The following HSPA4 variants were observed in gnomAD, a reference collection of about 807,000 sequenced individuals.
HSPA4 encodes the protein heat shock 70 kDa protein 4.
HSPA4 carries 25 observed loss-of-function variants against 106.2 expected under a neutral mutation model. The observed-to-expected ratio is 0.24, with a 90% CI of 0.17 to 0.33. HSPA4 has a LOEUF of 0.33. Among genes scored for constraint, HSPA4 ranks in the 10% least tolerant of loss-of-function variants. The pLI, the probability that HSPA4 is intolerant of heterozygous loss-of-function variation, is 1.00. For missense variants in HSPA4, 841 were observed against 996.0 expected, an observed-to-expected ratio of 0.84 and a Z score of 2.10; for synonymous variants, 332 against 333.6, an observed-to-expected ratio of 1.00 and a Z score of 0.05.
chr5:133,057,310 G>A (rs945700554), intron 1 of HSPA4, among the ~76,000 whole-genome samples: 7 of 151,452 alleles, frequency 4.6e-5, no homozygotes, highest in Admixed American at 4.6e-4. Flanking sequence ...GTTGAAGAAA[G>A]TGAATTAGAG....
Position 133,052,177 on chromosome 5 carries a change from G to T in HSPA4, c.-74G>T. 2 of 1,065,176 alleles carry T rather than the reference G, an allele frequency of 1.9e-6. No homozygotes were observed. The highest frequency in any genetic ancestry group is 2.8e-6 in the Non-Finnish European group (2 of 723,202). 66.0% of individuals were successfully genotyped at this position (1,065,176 alleles called of 1,614,324 possible). Reference sequence around the variant, plus strand: ...GGCCCAAGAGGCCTGCTTTCCACTCGCTAGCCCCGCCGGGGGTCCGTGTCC... The same window carrying T: ...GGCCCAAGAGGCCTGCTTTCCACTCTCTAGCCCCGCCGGGGGTCCGTGTCC... On this transcript the variant is annotated 5_prime_UTR_variant, in exon 1 of 19. Coordinates refer to ENST00000304858, the MANE Select transcript of HSPA4 (RefSeq NM_002154.4).
At chr5:133,087,881 C>G (rs562362846) in intron 8 of HSPA4, among the ~76,000 whole-genome samples, 1 of 152,332 alleles carries the variant, frequency 6.6e-6, no homozygotes. Flanking sequence ...ACTTCGGCCT[C>G]CTAAAGTACT....
At chr5:133,095,282 A>G (rs1057051849) in intron 13 of HSPA4, among the ~76,000 whole-genome samples, 3 of 152,228 alleles carry the variant, frequency 2.0e-5, no homozygotes, top group Admixed American at 6.5e-5. Flanking sequence ...AGCCTGGGCT[A>G]CAGAGCGAGA....
chr5:133,072,063 G>A (rs1334190745), intron 4 of HSPA4, among the ~76,000 whole-genome samples: 1 of 152,096 alleles, frequency 6.6e-6, no homozygotes, highest in Admixed American at 6.6e-5. Flanking sequence ...ATTGGAATGC[G>A]TAAGTGTCTT....
intron 1 of HSPA4, among the ~76,000 whole-genome samples, chr5:133,057,701 G>A (rs1765185598): frequency 6.6e-6 from 1 of 152,172 alleles, no homozygotes; most frequent in Non-Finnish European, 1.5e-5. Context: ...TTAAAGATTA[G>A]AACAGAGGGA....
chr5:133,083,087 A>T (rs896110458), intron 7 of HSPA4, among the ~76,000 whole-genome samples: 12 of 150,906 alleles, frequency 8.0e-5, no homozygotes, highest in Admixed American at 6.6e-4. Context: ...GTGAGCCGAG[A>T]TACTGCCACT....
rs1158469111 is a variant in HSPA4 at position 133,104,737 on chromosome 5, A to G, written c.*301A>G. Reference sequence around the variant, plus strand: ...GTCTACAAGAATAAGTTTGTTTTGGAAAGTTGAGCTATAGCTACAGCTCTA... The same window carrying G: ...GTCTACAAGAATAAGTTTGTTTTGGGAAGTTGAGCTATAGCTACAGCTCTA... On this transcript the variant is annotated 3_prime_UTR_variant, in exon 19 of 19. Coordinates refer to ENST00000304858, the MANE Select transcript of HSPA4 (RefSeq NM_002154.4). 1.4e-5 allele frequency: 4 copies of G among 285,408 alleles called. No homozygotes were observed. Among genetic ancestry groups the G allele is most frequent in the Non-Finnish European group, 2.7e-5 (4 of 150,180 alleles). The allele number at this position is 285,408 out of a possible 1,614,324, so 17.7% of individuals were successfully genotyped here. A position where few individuals can be genotyped will look rare whatever the true frequency, so the allele number is the denominator to read the frequency against.
At position 133,052,234 on chromosome 5, in the gene HSPA4, G is replaced by C; in HGVS notation, c.-17G>C. 5.8e-6 allele frequency: 9 copies of C among 1,558,948 alleles called. No individual in the cohort carries two copies. The highest frequency in any genetic ancestry group is 7.8e-6 in the Non-Finnish European group (9 of 1,153,070). On this transcript the variant is annotated 5_prime_UTR_variant, in exon 1 of 19. Transcript: ENST00000304858. ...GGTGGCCGGACCCGGGCCCGAGCCC[G>C]AGCAGTAGCCGGCGCCATGTCGGTG... is the stretch of plus-strand genomic sequence containing the variant.
intron 6 of HSPA4, 57 bp from the exon 7 acceptor site, chr5:133,076,597 C>G (rs1351513802): frequency 6.8e-7 from 1 of 1,477,726 alleles, no homozygotes; most frequent in African/African-American, 1.4e-5. Flanking sequence ...AAATATATAT[C>G]ATCTGTTTCA....
Position 133,074,081 on chromosome 5 carries a change from T to C in HSPA4, c.618T>C (p.Ser206=), listed in dbSNP as rs1350712184. The C allele has an allele frequency of 2.5e-6, 4 of 1,606,566 alleles. No homozygotes were observed. The African/African-American group carries it at 5.4e-5, about 22-fold the overall frequency. ...TAGTTTTTGTAGACATGGGCCACTC[T>C]GCTTATCAAGTTTCTGTATGTGCAT... ...RNVVFVDMGH[S]AYQVSVCAFN... Residue 206 remains serine (S), a synonymous_variant, in exon 6 of 19, where the codon TCT becomes TCC. Transcript: ENST00000304858.
chr5:133,061,433 G>A (rs1257712237), intron 1 of HSPA4, among the ~76,000 whole-genome samples: 3 of 136,926 alleles, frequency 2.2e-5, no homozygotes, highest in Non-Finnish European at 4.8e-5. Flanking sequence ...TGTTTTCTAA[G>A]TTGCTGTTCA....
intron 1 of HSPA4, among the ~76,000 whole-genome samples, chr5:133,063,544 C>T (rs1325972439): frequency 1.3e-5 from 2 of 151,912 alleles, no homozygotes; most frequent in Non-Finnish European, 2.9e-5. Flanking sequence ...GATTCTCCTG[C>T]CTCAGCCTCC....
chr5:133,060,816 C>CTT (rs34721359), intron 1 of HSPA4, among the ~76,000 whole-genome samples: 6,277 of 94,996 alleles, frequency 0.066, 695 homozygotes, highest in East Asian at 0.3. Flanking sequence ...TGAAACAGGA[C>CTT]TTTTTTTTTT....
Position 133,104,536 on chromosome 5 carries a change from T to C in HSPA4, c.*100T>C. ...GCGCAAGTGAATACTGAAGATTTCT[T>C]AGTCAGTTTTTAGGGGATTTTCGGG... On this transcript the variant is annotated 3_prime_UTR_variant, in exon 19 of 19. Coordinates refer to ENST00000304858, the MANE Select transcript of HSPA4 (RefSeq NM_002154.4). 8.9e-7 allele frequency: 1 copy of C among 1,120,772 alleles called. No homozygotes were observed. Among genetic ancestry groups the C allele is most frequent in the South Asian group, 1.5e-5 (1 of 67,888 alleles). 69.4% of individuals were successfully genotyped at this position (1,120,772 alleles called of 1,614,324 possible). A position where few individuals can be genotyped will look rare whatever the true frequency, so the allele number is the denominator to read the frequency against.
At chr5:133,056,974 TATTTTTTATTA>T (rs1355513749) in intron 1 of HSPA4, among the ~76,000 whole-genome samples, 1 of 152,120 alleles carries the variant, frequency 6.6e-6, no homozygotes, top group Non-Finnish European at 1.5e-5. Flanking sequence ...TTACTTTTTG[TATTTTTTATTA>T]ATTTTTTATG....
chr5:133,063,842 ACCTC>A (rs1765275548), intron 1 of HSPA4, among the ~76,000 whole-genome samples: 1 of 151,336 alleles, frequency 6.6e-6, no homozygotes, highest in Admixed American at 6.6e-5. Context: ...GCTCACTGCA[ACCTC>A]CGACTCCTTG....
intron 16 of HSPA4, among the ~76,000 whole-genome samples, chr5:133,100,287 T>C (rs1260539844): frequency 6.6e-6 from 1 of 152,120 alleles, no homozygotes; most frequent in East Asian, 1.9e-4. Flanking sequence ...CAGGCTGGTC[T>C]TGAACTCCTG....
chr5:133,099,503 A>C (rs372731299), intron 15 of HSPA4, 42 bp from the exon 16 acceptor site: 1 of 1,045,934 alleles, frequency 9.6e-7, no homozygotes, highest in African/African-American at 1.6e-5. Flanking sequence ...TTGGGGATGT[A>C]ATTTTTGATT....
chr5:133,089,145 G>A lies in HSPA4; in HGVS notation c.1228G>A (p.Ala410Thr). 6.3e-7 allele frequency: 1 copy of A among 1,580,060 alleles called. No individual in the cohort carries two copies. Among genetic ancestry groups the A allele is most frequent in the South Asian group, 1.1e-5 (1 of 87,506 alleles). The change falls in exon 10 of 19, where the codon GCT becomes ACT. Residue 410 changes from alanine to threonine, a missense_variant. This residue lies in a region of HSPA4 where 162 missense variants were observed against 177.7 expected (regional missense o/e 0.91). Transcript: ENST00000304858. ...YPISLRWNSP[A>T]EEGSSDCEVF... ...AATATCTCTGAGATGGAATTCTCCA[G>A]CTGAAGAAGGGTCAAGGTATCATGT...
Sources: gnomAD v4.1 joint callset for allele counts (sites outside exome capture counted in the v4.1 genomes callset) on GRCh38, gnomAD v4.1.1 for gene constraint, gnomAD v4.1.1 regional missense constraint, MANE v1.5 for transcripts, NCBI Gene and HGNC (gene_info 2026-07-23, HGNC 2026-07-21) for gene names.